Variants in MANBA observed in about 807,000 individuals in gnomAD.
The protein encoded by MANBA is beta-mannosidase.
MANBA carries 83 observed loss-of-function variants against 111.1 expected under a neutral mutation model. The ratio of observed to expected loss-of-function variants is 0.75; its 90% CI spans 0.63 to 0.90. The LOEUF (loss-of-function observed/expected upper bound fraction) is 0.90, where lower values mean the gene tolerates loss of function less well. Among genes scored for constraint, MANBA ranks in the 40% least tolerant of loss-of-function variants. The pLI, the probability that MANBA is intolerant of heterozygous loss-of-function variation, is 0.00. For synonymous variants in MANBA, 370 were observed against 378.7 expected (o/e 0.98, Z 0.27); for missense variants, 1,036 against 1,069.0 (o/e 0.97, Z 0.43).
chr4:102,639,867 G>A lies in MANBA; in HGVS notation c.1870-10C>T, dbSNP rs1192619540. 1 of 1,613,860 alleles carries A rather than the reference G, an allele frequency of 6.2e-7. No individual in the cohort carries two copies. Among genetic ancestry groups the A allele is most frequent in the Admixed American group, 1.7e-5 (1 of 60,004 alleles). Reference sequence around the variant, plus strand: ...ACTGGGCCTGCATCACCTGATTCAGGAAAACATTCATACACAGGTGTTATT... The same window carrying A: ...ACTGGGCCTGCATCACCTGATTCAGAAAAACATTCATACACAGGTGTTATT... On this transcript the variant is annotated splice_polypyrimidine_tract_variant and intron_variant, in intron 13 of 16. Coordinates refer to ENST00000647097, the MANE Select transcript of MANBA (RefSeq NM_005908.4).
chr4:102,756,199 C>T (rs564239694), intron 1 of MANBA, among the ~76,000 whole-genome samples: 1 of 152,290 alleles, frequency 6.6e-6, no homozygotes, highest in Non-Finnish European at 1.5e-5. Flanking sequence ...GCACTATTCA[C>T]AATAGCAAAG....
chr4:102,720,161 A>G (rs1288312425), intron 4 of MANBA, among the ~76,000 whole-genome samples: 1 of 152,214 alleles, frequency 6.6e-6, no homozygotes, highest in Non-Finnish European at 1.5e-5. Flanking sequence ...GGAAGCCAGC[A>G]CAGTAGCTCA....
intron 1 of MANBA, chr4:102,752,498 G>T: frequency 1.4e-6 from 1 of 736,330 alleles, no homozygotes; most frequent in Non-Finnish European, 2.6e-6. Flanking sequence ...TGGGATACAA[G>T]AAGTTGTATG....
chr4:102,723,346 G>A (rs1439119094), intron 3 of MANBA, among the ~76,000 whole-genome samples: 1 of 152,164 alleles, frequency 6.6e-6, no homozygotes, highest in African/African-American at 2.4e-5. Flanking sequence ...GCTCTGGAAT[G>A]TCTGCTCTGT....
At chr4:102,662,383 T>C (rs1731003238) in intron 11 of MANBA, among the ~76,000 whole-genome samples, 2 of 151,164 alleles carry the variant, frequency 1.3e-5, no homozygotes, top group Admixed American at 6.6e-5. Flanking sequence ...CTATGAAAAA[T>C]ACAAAAATTA....
chr4:102,674,343 A>G (rs1731628578), intron 7 of MANBA, among the ~76,000 whole-genome samples: 1 of 152,210 alleles, frequency 6.6e-6, no homozygotes, highest in African/African-American at 2.4e-5. Flanking sequence ...TTGTGATAAC[A>G]TCAAAAAAGA....
At chr4:102,733,394 C>T (rs924521411) in intron 1 of MANBA, among the ~76,000 whole-genome samples, 1 of 151,036 alleles carries the variant, frequency 6.6e-6, no homozygotes, top group Non-Finnish European at 1.5e-5. Flanking sequence ...TGCTCTGTCA[C>T]CCAGGCTGGA....
At chr4:102,688,481 G>A (rs778776712) in intron 7 of MANBA, among the ~76,000 whole-genome samples, 1 of 151,726 alleles carries the variant, frequency 6.6e-6, no homozygotes, top group Non-Finnish European at 1.5e-5. Context: ...ATGCACTCCT[G>A]AAGGACATAT....
At chr4:102,760,147 A>G (rs1449907832) in intron 1 of MANBA, among the ~76,000 whole-genome samples, 1 of 152,058 alleles carries the variant, frequency 6.6e-6, no homozygotes, top group Admixed American at 6.6e-5. Context: ...TTCATCACCA[A>G]GTTAGCCTTA....
intron 5 of MANBA, among the ~76,000 whole-genome samples, chr4:102,699,109 C>T (rs887168468): frequency 2.6e-5 from 4 of 152,088 alleles, no homozygotes; most frequent in Non-Finnish European, 5.9e-5. Context: ...ATTTTATTCT[C>T]TTTGAAGCAA....
At chr4:102,673,843 G>T in intron 8 of MANBA, 76 bp downstream of exon 8, 1 of 1,392,162 alleles carries the variant, frequency 7.2e-7, no homozygotes, top group Non-Finnish European at 1.0e-6. Context: ...ACTAAAGAAA[G>T]TAAAAATGAG....
intron 1 of MANBA, among the ~76,000 whole-genome samples, chr4:102,754,796 T>A (rs755759512): frequency 7.2e-5 from 11 of 152,126 alleles, no homozygotes; most frequent in Admixed American, 2.0e-4. Context: ...GACCTCGTGA[T>A]CTGCCGCCTT....
chr4:102,698,948 A>G (rs960528612), intron 5 of MANBA, among the ~76,000 whole-genome samples: 1 of 152,196 alleles, frequency 6.6e-6, no homozygotes, highest in Non-Finnish European at 1.5e-5. Context: ...TACCTTGGGC[A>G]GTATGGCCAT....
intron 6 of MANBA, 75 bp downstream of exon 6, chr4:102,690,521 C>A: frequency 2.2e-6 from 3 of 1,382,932 alleles, no homozygotes; most frequent in African/African-American, 1.4e-5. Flanking sequence ...CATACTTAGT[C>A]CCTCCTTTCT....
At chr4:102,635,372 C>T (rs1729578179) in intron 15 of MANBA, among the ~76,000 whole-genome samples, 1 of 152,156 alleles carries the variant, frequency 6.6e-6, no homozygotes, top group Non-Finnish European at 1.5e-5. Flanking sequence ...TTAGTGTCCT[C>T]CAAACTATAG....
In MANBA at chr4:102,656,350, A is replaced by G. The variant is rs575362691; in HGVS notation, c.1704+1332T>C. 3.9e-5 allele frequency among the ~76,000 whole-genome samples: 6 copies of G among 152,330 alleles called. No homozygotes were observed. In the South Asian group the frequency reaches 8.3e-4, roughly 21 times the overall value. ...AGCACGTGAAAAAAAAATGCTCAAC[A>G]TGATTAGCCATCAAGGATATGCAAA... On this transcript the variant is annotated intron_variant, in intron 12 of 16. Transcript: ENST00000647097.
At chr4:102,682,676 G>A in intron 7 of MANBA, 1 of 152,128 alleles carries the variant, frequency 6.6e-6, no homozygotes, top group Non-Finnish European at 1.5e-5. Context: ...CCAATGGCTG[G>A]TGTAGTTATA....
chr4:102,650,388 T>C, intron 13 of MANBA, 149 bp downstream of exon 13: 4 of 790,760 alleles, frequency 5.1e-6, no homozygotes, highest in South Asian at 5.0e-5. Context: ...GTCCTATGTG[T>C]CATCATATAT....
chr4:102,729,560 T>A, intron 1 of MANBA: 1 of 872,178 alleles, frequency 1.1e-6, no homozygotes, highest in Non-Finnish European at 2.0e-6. Flanking sequence ...ACCTTGTTCA[T>A]GTAACCTTCA....
Sources: gnomAD v4.1 joint callset for allele counts (sites outside exome capture counted in the v4.1 genomes callset) on GRCh38, gnomAD v4.1.1 for gene constraint, MANE v1.5 for transcripts, NCBI Gene and HGNC (gene_info 2026-07-23, HGNC 2026-07-21) for gene names.